Variants in SPATA1 observed in about 807,000 individuals in gnomAD.
SPATA1 encodes spermatogenesis associated 1.
A neutral mutation model predicts 59.6 loss-of-function variants in SPATA1; 57 were observed. The ratio of observed to expected loss-of-function variants is 0.96; its 90% CI spans 0.77 to 1.19. The LOEUF is 1.19. Among genes scored for constraint, SPATA1 ranks in the 50% most tolerant of loss-of-function variants. SPATA1 has a pLI of 0.00. For synonymous variants in SPATA1, 147 were observed against 163.9 expected (o/e 0.90, Z 0.79); for missense variants, 448 against 480.7 (o/e 0.93, Z 0.64).
intron 1 of SPATA1, among the ~76,000 whole-genome samples, chr1:84,512,162 C>CA (rs35424562): frequency 6.6e-6 from 1 of 152,124 alleles, no homozygotes; most frequent in Admixed American, 6.5e-5. Context: ...GGAATTATGT[C>CA]AAAAAATACT....
intron 8 of SPATA1, among the ~76,000 whole-genome samples, chr1:84,538,474 A>G (rs1185382914): frequency 2.6e-5 from 4 of 152,226 alleles, no homozygotes; most frequent in African/African-American, 7.2e-5. Context: ...TAGGTAAGAC[A>G]TATGTTTCTT....
downstream of SPATA1, chr1:84,555,278 G>T (rs1684395166): frequency 2.6e-6 from 3 of 1,132,476 alleles, no homozygotes; most frequent in Admixed American, 2.5e-5. Context: ...AATAAAAGAA[G>T]TATACAGTAC....
At chr1:84,544,854 C>A (rs1015855710) in intron 9 of SPATA1, among the ~76,000 whole-genome samples, 6 of 151,908 alleles carry the variant, frequency 3.9e-5, no homozygotes, top group Non-Finnish European at 8.8e-5. Flanking sequence ...AGCCACAGCA[C>A]CTGGCCCAGG....
At chr1:84,553,168 G>A (rs777258347) in exon 13 of SPATA1, 2 of 1,110,352 alleles carry the variant, frequency 1.8e-6, no homozygotes, top group South Asian at 1.6e-5. Flanking sequence ...ATTTAAATAT[G>A]TATTTGAACA....
intron 6 of SPATA1, among the ~76,000 whole-genome samples, chr1:84,529,742 A>G (rs1027859645): frequency 1.3e-5 from 2 of 151,482 alleles, no homozygotes; most frequent in African/African-American, 4.9e-5. Context: ...ACACCCAGCT[A>G]ATTTTTGTAT....
intron 4 of SPATA1, 40 bp downstream of exon 4, chr1:84,522,547 A>G (rs960605766): frequency 2.9e-6 from 3 of 1,038,736 alleles, no homozygotes; most frequent in Non-Finnish European, 4.1e-6. Context: ...GAGAAAGACC[A>G]TACCTTCTCA....
intron 8 of SPATA1, 58 bp from the exon 9 acceptor site, chr1:84,544,144 A>C (rs1684000311): frequency 8.8e-7 from 1 of 1,138,474 alleles, no homozygotes; most frequent in Non-Finnish European, 1.3e-6. Flanking sequence ...CCTACGGGCA[A>C]GTGAAAAAAG....
intron 8 of SPATA1, among the ~76,000 whole-genome samples, chr1:84,541,680 T>C (rs963041638): frequency 1.1e-4 from 17 of 152,180 alleles, no homozygotes; most frequent in African/African-American, 3.1e-4. Context: ...GTTGGGAGCA[T>C]TGGTAAGTTT....
At chr1:84,509,179 A>G (rs1030974221) in intron 1 of SPATA1, among the ~76,000 whole-genome samples, 1 of 152,006 alleles carries the variant, frequency 6.6e-6, no homozygotes, top group Non-Finnish European at 1.5e-5. Context: ...CAACAGAGCT[A>G]TAGTAACCAA....
At chr1:84,563,031 A>G (rs1464258520) in intron 4 of SPATA1, among the ~76,000 whole-genome samples, 2 of 152,162 alleles carry the variant, frequency 1.3e-5, no homozygotes, top group Non-Finnish European at 2.9e-5. Context: ...CTAAATGACA[A>G]GTGGCCCAAG....
downstream of SPATA1, chr1:84,555,102 C>A: frequency 6.2e-7 from 1 of 1,613,782 alleles, no homozygotes; most frequent in Admixed American, 1.7e-5. Context: ...ATTCCACATG[C>A]CAATGCCCCG....
intron 8 of SPATA1, among the ~76,000 whole-genome samples, chr1:84,536,220 T>G (rs1683675504): frequency 6.6e-6 from 1 of 152,204 alleles, no homozygotes; most frequent in African/African-American, 2.4e-5. Context: ...TGGCTCAAGT[T>G]TAATAATATG....
exon 5 of SPATA1, chr1:84,566,089 A>T (rs1684694747): frequency 1.2e-6 from 1 of 860,442 alleles, no homozygotes; most frequent in Non-Finnish European, 1.6e-6. Context: ...AATTATATAT[A>T]TTTTTTACCT....
At chr1:84,516,077 T>C (rs1200812608) in intron 1 of SPATA1, 146 bp from the exon 2 acceptor site, 4 of 291,210 alleles carry the variant, frequency 1.4e-5, no homozygotes, top group Non-Finnish European at 2.5e-5. Context: ...GTTGTATAGA[T>C]TTATGCTCAT....
chr1:84,526,168 CA>C, intron 6 of SPATA1, 95 bp downstream of exon 6: 2 of 948,560 alleles, frequency 2.1e-6, no homozygotes, highest in Non-Finnish European at 3.1e-6. Flanking sequence ...CCTAGCCTTA[CA>C]AATATAGGCA....
chr1:84,558,438 C>T (rs936125726), downstream of SPATA1, among the ~76,000 whole-genome samples: 26 of 151,264 alleles, frequency 1.7e-4, no homozygotes, highest in Non-Finnish European at 2.8e-4. Context: ...TACAGGCGCC[C>T]GCCACTACGC....
At chr1:84,541,809 T>G (rs1439009134) in intron 8 of SPATA1, among the ~76,000 whole-genome samples, 1 of 152,154 alleles carries the variant, frequency 6.6e-6, no homozygotes, top group Non-Finnish European at 1.5e-5. Flanking sequence ...TGCGTTGGAT[T>G]TTTCCATTAT....
chr1:84,563,529 G>T, intron 4 of SPATA1: 1 of 790,506 alleles, frequency 1.3e-6, no homozygotes, highest in Non-Finnish European at 1.8e-6. Flanking sequence ...TAGAAAACCT[G>T]ACTATACAGA....
intron 1 of SPATA1, among the ~76,000 whole-genome samples, 170 bp from the exon 2 acceptor site, chr1:84,516,053 T>G (rs1682780411): frequency 6.6e-6 from 1 of 152,236 alleles, no homozygotes; most frequent in Non-Finnish European, 1.5e-5. Flanking sequence ...TAATGTAATT[T>G]GTCATGTTAC....
Sources: allele counts gnomAD v4.1 joint callset (sites outside exome capture counted in the v4.1 genomes callset), GRCh38; gene constraint gnomAD v4.1.1; transcripts MANE v1.5; gene names NCBI Gene and HGNC (gene_info 2026-07-23, HGNC 2026-07-21).